Variants in WDR17 observed in about 807,000 individuals in gnomAD.
WDR17 encodes the protein WD repeat domain 17.
Under a neutral mutation model 161.7 loss-of-function variants are expected in WDR17, and 143 were observed. That is an observed-to-expected ratio of 0.88 (90% CI 0.77 to 1.02). The LOEUF (loss-of-function observed/expected upper bound fraction) is 1.02. Among genes scored for constraint, WDR17 ranks in the 50% least tolerant of loss-of-function variants. The probability of loss-of-function intolerance (pLI) is 0.00; values close to 1 mark genes in which losing one functional copy is unlikely to be tolerated. For synonymous variants in WDR17, 517 were observed against 515.6 expected (o/e 1.00, Z -0.04); for missense variants, 1,469 against 1,520.9 (o/e 0.97, Z 0.57).
chr4:176,072,834 G>T (rs1421707986), intron 1 of WDR17, among the ~76,000 whole-genome samples: 1 of 152,160 alleles, frequency 6.6e-6, no homozygotes, highest in Admixed American at 6.5e-5. Flanking sequence ...CAATTCAGAA[G>T]AGTATAAAAG....
chr4:176,097,445 C>T (rs952225198), intron 1 of WDR17, among the ~76,000 whole-genome samples: 3 of 151,830 alleles, frequency 2.0e-5, no homozygotes, highest in African/African-American at 7.3e-5. Flanking sequence ...CTCAGTATTA[C>T]TTCTTTTTAA....
intron 1 of WDR17, 104 bp from the exon 2 acceptor site, chr4:176,111,471 T>G: frequency 2.3e-6 from 3 of 1,299,248 alleles, no homozygotes; most frequent in Non-Finnish European, 3.1e-6. Flanking sequence ...AGTAAAATGT[T>G]TTTCAGGGCA....
intron 1 of WDR17, among the ~76,000 whole-genome samples, chr4:176,094,900 T>C (rs1736622197): frequency 6.6e-6 from 1 of 152,102 alleles, no homozygotes; most frequent in Non-Finnish European, 1.5e-5. Context: ...AGGAAAACCT[T>C]ACTTGAAAGA....
chr4:176,110,206 A>G (rs1234348753), intron 1 of WDR17, among the ~76,000 whole-genome samples: 2 of 152,010 alleles, frequency 1.3e-5, no homozygotes, highest in Non-Finnish European at 1.5e-5. Flanking sequence ...CAGTGGTGCC[A>G]TCTCTGCTCA....
chr4:176,077,210 A>G lies in WDR17; in HGVS notation c.-7+11131A>G, dbSNP rs1483851894. Among the ~76,000 whole-genome samples, 17 of 142,556 alleles carry G rather than the reference A, an allele frequency of 1.2e-4. No individual in the cohort carries two copies. In the East Asian group the frequency reaches 2.0e-3, roughly 17 times the overall value. The allele number at this position is 142,556 out of a possible 152,430, so 93.5% of individuals were successfully genotyped here. A position where few individuals can be genotyped will look rare whatever the true frequency, so the allele number is the denominator to read the frequency against. ...TAAGAGCTGTAGTCACTGAGTAAAT[A>G]TAAGGGCGGGGGTCATGGACTGAGT... On this transcript the variant is annotated intron_variant, in intron 1 of 28. Transcript: ENST00000508596.
intron 19 of WDR17, among the ~76,000 whole-genome samples, chr4:176,160,670 T>C (rs1008324647): frequency 1.3e-5 from 2 of 152,210 alleles, no homozygotes; most frequent in African/African-American, 4.8e-5. Context: ...AACTCTAAAC[T>C]TTACACATGC....
intron 12 of WDR17, among the ~76,000 whole-genome samples, chr4:176,147,249 T>C (rs927546777): frequency 6.6e-6 from 1 of 152,180 alleles, no homozygotes; most frequent in Admixed American, 6.5e-5. Context: ...TGCAAAATAG[T>C]AATACTTTTG....
rs1751026302 is a variant in WDR17 at position 176,173,425 on chromosome 4, G to C, written c.3347+56G>C. ...GAATCTATTTGATAATTTTAAAGTG[G>C]CTCCATTGTTTTTGGTATTCAGATC... On this transcript the variant is annotated intron_variant, in intron 25 of 28. Transcript: ENST00000508596. The C allele has an allele frequency of 5.8e-6, 7 of 1,212,752 alleles. No homozygotes were observed. In the Admixed American group the frequency reaches 1.0e-4, roughly 17 times the overall value. The allele number at this position is 1,212,752 out of a possible 1,614,324, so 75.1% of individuals were successfully genotyped here. A position where few individuals can be genotyped will look rare whatever the true frequency, so the allele number is the denominator to read the frequency against.
Position 176,162,101 on chromosome 4 carries a change from T to G in WDR17, c.2777T>G (p.Leu926Arg), listed in dbSNP as rs759494092. 69 of 1,613,026 alleles carry G rather than the reference T, an allele frequency of 4.3e-5. No homozygotes were observed. Among genetic ancestry groups the G allele is most frequent in the Non-Finnish European group, 5.6e-5 (66 of 1,179,450 alleles). Residue 926 changes from leucine to arginine, a missense_variant, in exon 21 of 29, where the codon CTG becomes CGG. Transcript: ENST00000508596. ...CTCCTGCACAAAGTCAGTAAAGAAC[T>G]GGCAGAATGGTATTTTCAAGATGGT... is the stretch of plus-strand genomic sequence containing the variant. ...NELLHKVSKE[L>R]AEWYFQDGRA... is the part of the protein sequence containing the mutation.
chr4:176,151,686 T>G (rs987683502), intron 16 of WDR17, 126 bp from the exon 17 acceptor site: 3 of 815,552 alleles, frequency 3.7e-6, no homozygotes, highest in Non-Finnish European at 5.5e-6. Context: ...TTTATCTTTT[T>G]TTGTGTGTTA....
chr4:176,149,666 A>AATAAATTATTTTATATATTCTATAAATAT, intron 13 of WDR17, 141 bp from the exon 14 acceptor site: 1 of 840,160 alleles, frequency 1.2e-6, no homozygotes, highest in Non-Finnish European at 1.8e-6. Context: ...TATTAAATGC[A>AATAAATTATTTTATATATTCTATAAATAT]GATAGGTTGA....
At chr4:176,137,192 C>G (rs1179490906) in intron 8 of WDR17, among the ~76,000 whole-genome samples, 4 of 151,216 alleles carry the variant, frequency 2.6e-5, no homozygotes, top group African/African-American at 4.8e-5. Context: ...TGGCCTTGAT[C>G]AATAAAGAAG....
In WDR17 at chr4:176,163,139, T is replaced by A; in HGVS notation, c.2851-15T>A. 6.2e-7 allele frequency: 1 copy of A among 1,614,022 alleles called. No individual in the cohort carries two copies. Among genetic ancestry groups the A allele is most frequent in the Non-Finnish European group, 8.5e-7 (1 of 1,179,952 alleles). ...CTTCTATGCAACTGAAGAAATTATT[T>A]TCTTATTGAGCAAGCTTGCTATGGC... On this transcript the variant is annotated splice_polypyrimidine_tract_variant and intron_variant, in intron 21 of 28. Transcript: ENST00000508596.
intron 8 of WDR17, 64 bp from the exon 9 acceptor site, chr4:176,137,456 T>C (rs1744595194): frequency 7.3e-7 from 1 of 1,372,406 alleles, no homozygotes; most frequent in Admixed American, 1.8e-5. Flanking sequence ...ACAAGTTACA[T>C]TTTTTAAAAG....
rs751738995 is a variant in WDR17 at position 176,119,858 on chromosome 4, G to A, written c.308-9G>A. On this transcript the variant is annotated splice_polypyrimidine_tract_variant and intron_variant, in intron 3 of 28. Coordinates refer to ENST00000508596, the MANE Select transcript of WDR17 (RefSeq NM_181265.4). ...TCTTTATTATGTATCTGTATTTAAT[G>A]TATTCCAGGGATCCCTGCTTCTCTT... The A allele has an allele frequency of 2.5e-6, 4 of 1,611,910 alleles. No individual in the cohort carries two copies. In the South Asian group the frequency reaches 3.3e-5, roughly 13 times the overall value.
chr4:176,081,985 T>A (rs79862075), intron 1 of WDR17, among the ~76,000 whole-genome samples: 3,224 of 152,180 alleles, frequency 0.021, 45 homozygotes, highest in African/African-American at 0.036. Flanking sequence ...GAATGGTTGT[T>A]GGTAGATTAG....
At chr4:176,088,145 TTATTTTTATA>T (rs1735658858) in intron 1 of WDR17, among the ~76,000 whole-genome samples, 1 of 152,054 alleles carries the variant, frequency 6.6e-6, no homozygotes, top group South Asian at 2.1e-4. Context: ...TCCCTGGCCT[TTATTTTTATA>T]TATTTTTATA....
At position 176,125,346 on chromosome 4, in the gene WDR17, A is replaced by T. The variant is rs770195572; in HGVS notation, c.781A>T (p.Ile261Leu). The T allele has an allele frequency of 1.2e-6, 2 of 1,613,968 alleles. No homozygotes were observed. Among genetic ancestry groups the T allele is most frequent in the South Asian group, 1.1e-5 (1 of 91,058 alleles). ...AWVPSAPGMF[I>L]TGDSQVGVLR... ...GGTTCCCAGTGCTCCTGGGATGTTT[A>T]TAACTGGAGGTAAGCTAATCCCCAT... is the stretch of plus-strand genomic sequence containing the variant. Residue 261 changes from isoleucine (I) to leucine (L), a missense_variant, in exon 5 of 29, where the codon ATA (isoleucine) becomes TTA (leucine). Coordinates refer to ENST00000508596, the MANE Select transcript of WDR17 (RefSeq NM_181265.4).
rs75802024 is a variant in WDR17 at position 176,094,627 on chromosome 4, A to G, written c.-6-16948A>G. ...ACATTGAAAGCAGAGAACAGTAAGT[A>G]AACTATTGCATTAGTTTGTACAGGA... On this transcript the variant is annotated intron_variant, in intron 1 of 28. Transcript: ENST00000508596. 6.5e-3 allele frequency among the ~76,000 whole-genome samples: 997 copies of G among 152,328 alleles called. 4 individuals carry two copies. The highest frequency in any genetic ancestry group is 0.021 in the African/African-American group (862 of 41,582).
Sources: gnomAD v4.1 joint callset for allele counts (sites outside exome capture counted in the v4.1 genomes callset) on GRCh38, gnomAD v4.1.1 for gene constraint, MANE v1.5 for transcripts, NCBI Gene and HGNC (gene_info 2026-07-23, HGNC 2026-07-21) for gene names.